Variants in FRMD5 observed in about 807,000 individuals in gnomAD.
The protein encoded by FRMD5 is FERM domain containing 5.
Under a neutral mutation model 69.0 loss-of-function variants are expected in FRMD5, and 20 were observed. The ratio of observed to expected loss-of-function variants is 0.29; its 90% CI spans 0.20 to 0.42. FRMD5 has a LOEUF of 0.42. FRMD5 is among the 10% of genes least tolerant of loss of function. The pLI is 1.00. For missense variants in FRMD5, 595 were observed against 708.6 expected (o/e 0.84, Z 1.82); for synonymous variants, 271 against 260.1 (o/e 1.04, Z -0.40).
chr15:44,130,423 G>C (rs2077082838), intron 1 of FRMD5, among the ~76,000 whole-genome samples: 1 of 152,136 alleles, frequency 6.6e-6, no homozygotes, highest in South Asian at 2.1e-4. Context: ...GAACTTCCAA[G>C]TGAGACACCT....
chr15:44,182,332 T>C (rs1273092163), intron 1 of FRMD5, among the ~76,000 whole-genome samples: 3 of 142,214 alleles, frequency 2.1e-5, no homozygotes, highest in African/African-American at 5.2e-5. Context: ...TTCTTTTTTT[T>C]TTTTTTTTTT....
At chr15:43,883,909 TAA>T in intron 12 of FRMD5, 100 bp from the exon 13 acceptor site, 1 of 824,524 alleles carries the variant, frequency 1.2e-6, no homozygotes, top group Middle Eastern at 2.2e-4. Flanking sequence ...CTGGCTATAT[TAA>T]GTCTTGGTCT....
chr15:43,903,925 A>G (rs372186419), intron 6 of FRMD5, among the ~76,000 whole-genome samples: 1 of 152,296 alleles, frequency 6.6e-6, no homozygotes, highest in Middle Eastern at 3.4e-3. Context: ...CCTGCCCCCA[A>G]CACCACAGGC....
intron 1 of FRMD5, among the ~76,000 whole-genome samples, chr15:44,091,867 C>T (rs1281733190): frequency 1.3e-5 from 2 of 152,018 alleles, no homozygotes; most frequent in Admixed American, 1.3e-4. Flanking sequence ...TCTCTCCCTG[C>T]TTCCCCTCAG....
intron 1 of FRMD5, among the ~76,000 whole-genome samples, chr15:43,996,715 A>ATTTTTTTTTTTTTTTTTTTT (rs11397296): frequency 2.3e-5 from 2 of 86,020 alleles, no homozygotes; most frequent in Non-Finnish European, 3.9e-5. Context: ...TCCTCAGCTG[A>ATTTTTTTTTTTTTTTTTTTT]TTTTTTTTTT....
intron 9 of FRMD5, 31 bp downstream of exon 9, chr15:43,888,778 C>T (rs1254064746): frequency 1.3e-6 from 2 of 1,588,442 alleles, no homozygotes; most frequent in Non-Finnish European, 8.6e-7. Context: ...TCACCCCAGC[C>T]CTCCTTGAAG....
At chr15:44,002,054 C>T (rs1379945408) in intron 1 of FRMD5, among the ~76,000 whole-genome samples, 2 of 152,146 alleles carry the variant, frequency 1.3e-5, no homozygotes, top group African/African-American at 4.8e-5. Context: ...CCACAGTGAG[C>T]CCCTTCAAGT....
chr15:43,873,266 A>G lies in FRMD5; in HGVS notation c.*619T>C, dbSNP rs1303036165. On this transcript the variant is annotated 3_prime_UTR_variant, in exon 14 of 14. Transcript: ENST00000417257. ...ACAAAAGGAAAAGAAAATCCAACTC[A>G]GACCATCATAAGAAGCAACTTTCCA... is the stretch of plus-strand genomic sequence containing the variant. 17 of 1,544,806 alleles carry G rather than the reference A, an allele frequency of 1.1e-5. No homozygotes were observed. The highest frequency in any genetic ancestry group is 1.5e-5 in the Non-Finnish European group (17 of 1,145,522).
At chr15:44,020,219 A>C (rs1302647649) in intron 1 of FRMD5, among the ~76,000 whole-genome samples, 2 of 151,680 alleles carry the variant, frequency 1.3e-5, no homozygotes, top group Non-Finnish European at 2.9e-5. Flanking sequence ...TCACCATTTC[A>C]TAATATATCT....
At chr15:43,976,858 A>C (rs1223661493) in intron 1 of FRMD5, among the ~76,000 whole-genome samples, 1 of 150,416 alleles carries the variant, frequency 6.6e-6, no homozygotes, top group Non-Finnish European at 1.5e-5. Context: ...TTGAGACAGA[A>C]TCTTGCTCTG....
At chr15:43,964,854 A>G (rs1270064796) in intron 1 of FRMD5, among the ~76,000 whole-genome samples, 1 of 152,238 alleles carries the variant, frequency 6.6e-6, no homozygotes, top group Non-Finnish European at 1.5e-5. Context: ...AAATGAAAAC[A>G]CAATGACTTA....
At chr15:44,021,600 A>G (rs1385102379) in intron 1 of FRMD5, among the ~76,000 whole-genome samples, 1 of 152,226 alleles carries the variant, frequency 6.6e-6, no homozygotes, top group African/African-American at 2.4e-5. Flanking sequence ...CAAAACCACA[A>G]TAAAGTACTA....
intron 1 of FRMD5, among the ~76,000 whole-genome samples, chr15:44,014,691 T>G (rs1321233473): frequency 6.6e-6 from 1 of 151,816 alleles, no homozygotes; most frequent in African/African-American, 2.4e-5. Context: ...GAGCCAAGAT[T>G]GCGCCAATGC....
intron 1 of FRMD5, chr15:44,194,520 G>A: frequency 3.6e-6 from 1 of 275,124 alleles, no homozygotes; most frequent in Non-Finnish European, 7.0e-6. Context: ...TCCAACCCAA[G>A]AAAGATAAGA....
At chr15:44,034,208 A>G (rs1435338756) in intron 1 of FRMD5, among the ~76,000 whole-genome samples, 1 of 152,238 alleles carries the variant, frequency 6.6e-6, no homozygotes, top group Admixed American at 6.5e-5. Flanking sequence ...GCAGGTGTCT[A>G]ATTGAATGTT....
intron 1 of FRMD5, among the ~76,000 whole-genome samples, chr15:44,061,838 T>C (rs1470617688): frequency 1.3e-5 from 2 of 152,200 alleles, no homozygotes; most frequent in African/African-American, 2.4e-5. Flanking sequence ...CAGCAATCAC[T>C]TTCCCCCACC....
chr15:44,195,523 C>T (rs1166859535), upstream of FRMD5, among the ~76,000 whole-genome samples: 2 of 152,226 alleles, frequency 1.3e-5, no homozygotes, highest in African/African-American at 4.8e-5. Flanking sequence ...TGCTGTTTCC[C>T]CTCCCCCGGG....
intron 1 of FRMD5, among the ~76,000 whole-genome samples, chr15:44,074,778 G>A (rs1288928442): frequency 1.3e-5 from 2 of 152,160 alleles, no homozygotes; most frequent in Non-Finnish European, 2.9e-5. Flanking sequence ...CTATTTATTT[G>A]TTAATGGAGA....
chr15:44,042,154 C>T (rs914337048), intron 1 of FRMD5, among the ~76,000 whole-genome samples: 19 of 152,148 alleles, frequency 1.2e-4, no homozygotes, highest in Non-Finnish European at 2.5e-4. Context: ...CTATAAACAC[C>T]TCTAAGCAAA....
Sources: gnomAD v4.1 joint callset for allele counts (sites outside exome capture counted in the v4.1 genomes callset) on GRCh38, gnomAD v4.1.1 for gene constraint, MANE v1.5 for transcripts, NCBI Gene and HGNC (gene_info 2026-07-23, HGNC 2026-07-21) for gene names.